Variants in NR5A2 observed in about 807,000 individuals in gnomAD.
The protein encoded by NR5A2 is CYP7A promoter-binding factor.
A neutral mutation model predicts 62.7 loss-of-function variants in NR5A2; 26 were observed. That is an observed-to-expected ratio of 0.41 (90% confidence interval 0.30 to 0.58). The LOEUF (loss-of-function observed/expected upper bound fraction) is 0.58. NR5A2 is among the 20% of genes least tolerant of loss of function. The probability of loss-of-function intolerance (pLI) is 0.22; values close to 1 mark genes in which losing one functional copy is unlikely to be tolerated. For synonymous variants in NR5A2, 246 were observed against 241.7 expected (o/e 1.02, Z -0.16); for missense variants, 541 against 669.1 (o/e 0.81, Z 2.11).
Position 200,173,959 on chromosome 1 carries a change from G to A in NR5A2, c.1379-4G>A. ...TGCTTTTTTTTTTTTTTTTTTTAAT[G>A]CAGATGTCAAAAACCTTGAAAACTT... On this transcript the variant is annotated splice_polypyrimidine_tract_variant and splice_region_variant and intron_variant, in intron 7 of 7. Coordinates refer to ENST00000367362, the MANE Select transcript of NR5A2 (RefSeq NM_205860.3). 2 of 1,283,212 alleles carry A rather than the reference G, an allele frequency of 1.6e-6. No homozygotes were observed. The allele number at this position is 1,283,212 out of a possible 1,614,324, so 79.5% of individuals were successfully genotyped here.
At chr1:200,142,195 T>C (rs2102346609) in intron 7 of NR5A2, among the ~76,000 whole-genome samples, 1 of 131,566 alleles carries the variant, frequency 7.6e-6, no homozygotes, top group African/African-American at 3.0e-5. Flanking sequence ...CTTCTTTTTT[T>C]TTTTTTTTTT....
In NR5A2 at chr1:200,034,810, TTTTTA is replaced by T. The variant is rs1187493966; in HGVS notation, c.65-4847_65-4843del. On this transcript the variant is annotated intron_variant, in intron 1 of 7. Coordinates refer to ENST00000367362, the MANE Select transcript of NR5A2 (RefSeq NM_205860.3). ...TTTTTTTTTTTTTTTTTTTTTTTTT[TTTTTA>T]AACAAGGCACGACTGCTCACCTATT... Among the ~76,000 whole-genome samples the T allele has an allele frequency of 7.0e-3, 781 of 110,898 alleles. 4 individuals carry two copies. The highest frequency in any genetic ancestry group is 0.012 in the Non-Finnish European group (629 of 52,852). The allele number at this position is 110,898 out of a possible 152,430, so 72.8% of individuals were successfully genotyped here. A position where few individuals can be genotyped will look rare whatever the true frequency, so the allele number is the denominator to read the frequency against.
chr1:200,043,907 T>C lies in NR5A2; in HGVS notation c.321+15T>C, dbSNP rs1403953965. On this transcript the variant is annotated intron_variant, in intron 3 of 7. Transcript: ENST00000367362. ...AAAGCTGCAAGGTTTGCTCACACAT[T>C]GCTACCTGAAAAATATAATGTCCAA... 6.6e-7 allele frequency: 1 copy of C among 1,515,372 alleles called. No individual in the cohort carries two copies. Among genetic ancestry groups the C allele is most frequent in the Non-Finnish European group, 9.1e-7 (1 of 1,094,812 alleles). The allele number at this position is 1,515,372 out of a possible 1,614,324, so 93.9% of individuals were successfully genotyped here.
chr1:200,153,153 T>C (rs116292865), intron 7 of NR5A2, among the ~76,000 whole-genome samples: 74 of 152,368 alleles, frequency 4.9e-4, no homozygotes, highest in African/African-American at 1.7e-3. Context: ...GTAGTACTTA[T>C]CTAAAGCCTA....
At position 200,166,665 on chromosome 1, in the gene NR5A2, A is replaced by T. The variant is rs139712379; in HGVS notation, c.1379-7298A>T. ...AAATAATGAGCCCTGCAGGGTTCAG[A>T]TTCCTGCTCCGCCCGAGGGAAGTCT... On this transcript the variant is annotated intron_variant, in intron 7 of 7. Coordinates refer to ENST00000367362, the MANE Select transcript of NR5A2 (RefSeq NM_205860.3). Among the ~76,000 whole-genome samples, 489 of 152,318 alleles carry T rather than the reference A, an allele frequency of 3.2e-3. 1 individual carries two copies. Among genetic ancestry groups the T allele is most frequent in the African/African-American group, 0.012 (480 of 41,570 alleles).
intron 5 of NR5A2, among the ~76,000 whole-genome samples, chr1:200,103,030 C>T (rs911676825): frequency 6.6e-6 from 1 of 151,930 alleles, no homozygotes; most frequent in African/African-American, 2.4e-5. Context: ...AACTTTTCTA[C>T]CTCAGTTTCC....
intron 7 of NR5A2, among the ~76,000 whole-genome samples, chr1:200,155,680 A>ATTT (rs199968182): frequency 6.8e-6 from 1 of 146,390 alleles, no homozygotes; most frequent in African/African-American, 2.5e-5. Flanking sequence ...TAATAAAAAA[A>ATTT]TTTTTTTTTT....
chr1:200,116,830 A>G (rs1052342344), intron 6 of NR5A2, among the ~76,000 whole-genome samples: 3 of 152,218 alleles, frequency 2.0e-5, no homozygotes, highest in Non-Finnish European at 4.4e-5. Context: ...ATGCACACAT[A>G]TATCTATGTA....
chr1:200,038,475 G>T (rs1661886216), intron 1 of NR5A2, among the ~76,000 whole-genome samples: 1 of 152,210 alleles, frequency 6.6e-6, no homozygotes, highest in African/African-American at 2.4e-5. Context: ...GGCCCCTTCA[G>T]GGCGCCGGGG....
intron 5 of NR5A2, among the ~76,000 whole-genome samples, chr1:200,078,115 C>T (rs1571433820): frequency 6.6e-6 from 1 of 152,300 alleles, no homozygotes; most frequent in South Asian, 2.1e-4. Context: ...GGCATCAGAA[C>T]TTTCTGATTA....
At chr1:200,050,919 G>A (rs1045909748) in intron 5 of NR5A2, among the ~76,000 whole-genome samples, 1 of 152,024 alleles carries the variant, frequency 6.6e-6, no homozygotes, top group African/African-American at 2.4e-5. Context: ...ATAAATTGAT[G>A]TTATCACTGT....
intron 1 of NR5A2, among the ~76,000 whole-genome samples, chr1:200,032,665 T>TGA (rs746568083): frequency 5.3e-5 from 8 of 151,086 alleles, no homozygotes; most frequent in African/African-American, 7.4e-5. Flanking sequence ...AAAGGGGAAC[T>TGA]GATATATATA....
rs373033375 is a variant in NR5A2, at chr1:200,106,061, C to CCTCTGTTTTT, written c.1111-5141_1111-5140insCTCTGTTTTT. On this transcript the variant is annotated intron_variant, in intron 5 of 7. Coordinates refer to ENST00000367362, the MANE Select transcript of NR5A2 (RefSeq NM_205860.3). Reference sequence around the variant, plus strand: ...CTTCTAATTGTTGGCCAGATTCACTCTTCTTTTTTTTTTTGAGACAGAGTC... The same window carrying CCTCTGTTTTT: ...CTTCTAATTGTTGGCCAGATTCACTCCTCTGTTTTTTTCTTTTTTTTTTTGAGACAGAGTC... 3.8e-4 allele frequency among the ~76,000 whole-genome samples: 44 copies of CCTCTGTTTTT among 114,998 alleles called. 6 individuals are homozygous for CCTCTGTTTTT. The highest frequency in any genetic ancestry group is 4.8e-4 in the South Asian group (2 of 4,166). 75.4% of individuals were successfully genotyped at this position (114,998 alleles called of 152,430 possible). A position where few individuals can be genotyped will look rare whatever the true frequency, so the allele number is the denominator to read the frequency against.
rs114542635 is a variant in NR5A2 at position 200,169,435 on chromosome 1, A to T, written c.1379-4528A>T. ...CATTTCTGAAAAAGTGTGTTGAATG[A>T]CAAGGTTTATAGGCTGCACCATTAT... On this transcript the variant is annotated intron_variant, in intron 7 of 7. Transcript: ENST00000367362. Among the ~76,000 whole-genome samples the T allele has an allele frequency of 9.2e-3, 1,397 of 152,274 alleles. 30 individuals are homozygous for T. Among genetic ancestry groups the T allele is most frequent in the African/African-American group, 0.031 (1,277 of 41,542 alleles).
At chr1:200,163,124 C>A (rs557568453) in intron 7 of NR5A2, among the ~76,000 whole-genome samples, 1 of 152,150 alleles carries the variant, frequency 6.6e-6, no homozygotes, top group African/African-American at 2.4e-5. Flanking sequence ...GCCAAAAAGT[C>A]CTCTTTGAAT....
rs553198360 is a variant in NR5A2, at chr1:200,139,779, T to C, written c.1378+18824T>C. 2.0e-5 allele frequency among the ~76,000 whole-genome samples: 3 copies of C among 152,328 alleles called. No homozygotes were observed. The South Asian group carries it at 6.2e-4, about 32-fold the overall frequency. The stretch of plus-strand genomic sequence containing the variant: ...AGTTGTATTTGTGGAAGTTTTGATA[T>C]TGGAGACAGACATTCAAGGCTGCTG... On this transcript the variant is annotated intron_variant, in intron 7 of 7. Transcript: ENST00000367362.
chr1:200,075,917 A>C (rs1362638806), intron 5 of NR5A2, among the ~76,000 whole-genome samples: 1 of 102,430 alleles, frequency 9.8e-6, no homozygotes, highest in African/African-American at 3.6e-5. Context: ...GTTAAGAAAC[A>C]ATAGTGTTTA....
At position 200,120,824 on chromosome 1, in the gene NR5A2, T is replaced by C; in HGVS notation, c.1247T>C (p.Ile416Thr). 4 of 1,566,976 alleles carry C rather than the reference T, an allele frequency of 2.6e-6. No individual in the cohort carries two copies. Among genetic ancestry groups the C allele is most frequent in the Non-Finnish European group, 3.4e-6 (4 of 1,160,726 alleles). ...GTATTGCAGGTGGACTATTCCATAATAGCATCACAAGCCGGAGCCACCCTC... is the reference window on the plus strand; with the variant it reads ...GTATTGCAGGTGGACTATTCCATAACAGCATCACAAGCCGGAGCCACCCTC... Reference protein sequence around the residue: ...VTGQQVDYSIIASQAGATLNN... With the variant: ...VTGQQVDYSITASQAGATLNN... Residue 416 changes from isoleucine (I) to threonine (T), a missense_variant, in exon 7 of 8, where the codon ATA becomes ACA. Physicochemically the swap from Ile to Thr is moderately conservative, Grantham distance 89 (BLOSUM62 -1). Around this residue, in one of 3 missense-constraint regions of NR5A2, gnomAD observed 379 missense variants for 442.0 expected, o/e 0.86. Coordinates refer to ENST00000367362, the MANE Select transcript of NR5A2 (RefSeq NM_205860.3).
chr1:200,112,850 G>A (rs573188800), intron 6 of NR5A2, among the ~76,000 whole-genome samples: 2 of 152,176 alleles, frequency 1.3e-5, no homozygotes, highest in African/African-American at 2.4e-5. Flanking sequence ...TGCATTGGAA[G>A]TACAAGACTG....
Sources: allele counts gnomAD v4.1 joint callset (sites outside exome capture counted in the v4.1 genomes callset), GRCh38; gene constraint gnomAD v4.1.1; regional missense constraint gnomAD v4.1.1; transcripts MANE v1.5; gene names NCBI Gene and HGNC (gene_info 2026-07-23, HGNC 2026-07-21).